Variants in NIPSNAP2 observed in about 807,000 individuals in gnomAD.
NIPSNAP2 encodes the protein nipsnap homolog 2.
Under a neutral mutation model 48.4 loss-of-function variants are expected in NIPSNAP2, and 42 were observed. That is an observed-to-expected ratio of 0.87 (90% CI 0.68 to 1.12). NIPSNAP2 has a LOEUF of 1.12. Among genes scored for constraint, NIPSNAP2 ranks in the 50% most tolerant of loss-of-function variants. NIPSNAP2 has a pLI of 0.00. For missense variants in NIPSNAP2, 314 were observed against 347.3 expected (o/e 0.90, Z 0.76); for synonymous variants, 158 against 126.6 (o/e 1.25, Z -1.67).
In NIPSNAP2 at chr7:55,999,716, G is replaced by A. The variant is rs1787640732; in HGVS notation, c.*644G>A. 6.6e-6 allele frequency: 1 copy of A among 152,266 alleles called. No homozygotes were observed. Among genetic ancestry groups the A allele is most frequent in the Non-Finnish European group, 1.5e-5 (1 of 68,024 alleles). The allele number at this position is 152,266 out of a possible 1,614,324, so 9.4% of individuals were successfully genotyped here. A position where few individuals can be genotyped will look rare whatever the true frequency, so the allele number is the denominator to read the frequency against. On this transcript the variant is annotated 3_prime_UTR_variant, in exon 10 of 10. Coordinates refer to ENST00000322090, the MANE Select transcript of NIPSNAP2 (RefSeq NM_001483.3). Reference sequence around the variant, plus strand: ...TTTCAATGTGAGACACAAAAACAATGGCTTGAAACTTGTGTATCATATGTG... The same window carrying A: ...TTTCAATGTGAGACACAAAAACAATAGCTTGAAACTTGTGTATCATATGTG...
At position 55,978,100 on chromosome 7, in the gene NIPSNAP2, G is replaced by A. The variant is rs373043237; in HGVS notation, c.93-26G>A. On this transcript the variant is annotated intron_variant, in intron 1 of 9. Coordinates refer to ENST00000322090, the MANE Select transcript of NIPSNAP2 (RefSeq NM_001483.3). ...TGGATATATGAAAACAGTATACTGCGTGACAACACCTTTGTTATTCCATAG... is the reference window on the plus strand; with the variant it reads ...TGGATATATGAAAACAGTATACTGCATGACAACACCTTTGTTATTCCATAG... The A allele has an allele frequency of 9.7e-5, 157 of 1,613,342 alleles. No individual in the cohort carries two copies. In the African/African-American group the frequency reaches 1.7e-3, roughly 17 times the overall value.
At chr7:55,993,293 T>TAA (rs56857177) in intron 7 of NIPSNAP2, among the ~76,000 whole-genome samples, 22 of 137,108 alleles carry the variant, frequency 1.6e-4, no homozygotes, top group African/African-American at 5.4e-4. Flanking sequence ...AGACTCCGTC[T>TAA]AAAAAAAAAA....
rs527482703 is a variant in NIPSNAP2 at position 55,981,542 on chromosome 7, G to T, written c.348G>T (p.Thr116=). The change falls in exon 4 of 10, where the codon ACG becomes ACT. Residue 116 remains threonine, a synonymous_variant. Transcript: ENST00000322090. ...YPCTLVGTWN[T]WYGEQDQAVH... ...GTACTTTGGTGGGGACTTGGAACAC[G>T]TGGTATGGCGAGCAGGACCAAGCTG... The T allele has an allele frequency of 1.7e-5, 28 of 1,613,726 alleles. 1 individual carries two copies. In the South Asian group the frequency reaches 3.1e-4, roughly 18 times the overall value.
At chr7:55,994,746 T>C in intron 7 of NIPSNAP2, 148 bp from the exon 8 acceptor site, 2 of 677,608 alleles carry the variant, frequency 3.0e-6, no homozygotes, top group Non-Finnish European at 5.3e-6. Flanking sequence ...TAACTTTTGA[T>C]TTGCCTTAGA....
chr7:55,995,340 A>G (rs1258660328), intron 8 of NIPSNAP2, among the ~76,000 whole-genome samples: 1 of 152,116 alleles, frequency 6.6e-6, no homozygotes, highest in Non-Finnish European at 1.5e-5. Context: ...GCAGGCCTGC[A>G]TTTTACCCAG....
At position 55,990,473 on chromosome 7, in the gene NIPSNAP2, C is replaced by T. The variant is rs532566452; in HGVS notation, c.618-4421C>T. ...GCCTCGATCTCCTGACCTCATGATC[C>T]GCCTGCCTCGGCCTCCCGAAGTGCT... On this transcript the variant is annotated intron_variant, in intron 7 of 9. Transcript: ENST00000322090. 5.3e-5 allele frequency among the ~76,000 whole-genome samples: 8 copies of T among 152,224 alleles called. No individual in the cohort carries two copies. In the South Asian group the frequency reaches 1.2e-3, roughly 24 times the overall value.
chr7:55,973,062 C>T (rs1016075712), intron 1 of NIPSNAP2, among the ~76,000 whole-genome samples: 3 of 151,844 alleles, frequency 2.0e-5, no homozygotes, highest in Admixed American at 6.6e-5. Context: ...GCCAAGATCA[C>T]GCCACTGCAC....
Position 55,994,895 on chromosome 7 carries a change from G to T in NIPSNAP2, c.619G>T (p.Ala207Ser). 1 of 1,613,864 alleles carries T rather than the reference G, an allele frequency of 6.2e-7. No individual in the cohort carries two copies. Among genetic ancestry groups the T allele is most frequent in the Non-Finnish European group, 8.5e-7 (1 of 1,179,742 alleles). ...ACAAACATCATCTCATTCTTACAGG[G>T]CTCGTGCAATCCGCTTCAGACAGGA... is the stretch of plus-strand genomic sequence containing the variant. Reference protein sequence around the residue: ...GTMIEWGNYWARAIRFRQDGN... With the variant: ...GTMIEWGNYWSRAIRFRQDGN... The change falls in exon 8 of 10, where the codon GCT becomes TCT. Residue 207 changes from alanine to serine, a missense_variant and splice_region_variant. Ala to Ser is a moderately conservative substitution (Grantham distance 99). Coordinates refer to ENST00000322090, the MANE Select transcript of NIPSNAP2 (RefSeq NM_001483.3).
chr7:55,990,511 A>G (rs1302589214), intron 7 of NIPSNAP2, among the ~76,000 whole-genome samples: 2 of 152,074 alleles, frequency 1.3e-5, no homozygotes, highest in Non-Finnish European at 2.9e-5. Flanking sequence ...GATTACAGGC[A>G]TGAGCCACCG....
In NIPSNAP2 at chr7:55,964,679, T is replaced by G. The variant is rs891308885; in HGVS notation, c.70T>G (p.Cys24Gly). The G allele has an allele frequency of 7.4e-5, 83 of 1,121,336 alleles. No individual in the cohort carries two copies. Among genetic ancestry groups the G allele is most frequent in the Non-Finnish European group, 8.6e-5 (79 of 917,448 alleles). 69.5% of individuals were successfully genotyped at this position (1,121,336 alleles called of 1,614,324 possible). A position where few individuals can be genotyped will look rare whatever the true frequency, so the allele number is the denominator to read the frequency against. ...AGGLLQRAAP[C>G]SLLPRLRTWT... is the part of the protein sequence containing the mutation. ...CGGCCTCCTGCAGCGGGCGGCCCCC[T>G]GCAGCCTCCTGCCCAGGCTCCGGTG... Residue 24 changes from cysteine (C) to glycine (G), a missense_variant, in exon 1 of 10, where the codon TGC becomes GGC. Physicochemically the swap from Cys to Gly is radical, Grantham distance 159. Coordinates refer to ENST00000322090, the MANE Select transcript of NIPSNAP2 (RefSeq NM_001483.3).
intron 1 of NIPSNAP2, 117 bp from the exon 2 acceptor site, chr7:55,978,009 T>C: frequency 8.6e-7 from 1 of 1,167,558 alleles, no homozygotes; most frequent in Non-Finnish European, 1.2e-6. Context: ...GCAGGCATTC[T>C]TTGGTAGCCC....
chr7:55,964,792 C>A, intron 1 of NIPSNAP2, 91 bp downstream of exon 1: 1 of 605,510 alleles, frequency 1.7e-6, no homozygotes, highest in Non-Finnish European at 2.2e-6. Flanking sequence ...TCCGCCCCGG[C>A]CCTGTCCCCA....
chr7:55,978,629 T>TC, intron 3 of NIPSNAP2: 2 of 498,986 alleles, frequency 4.0e-6, no homozygotes, highest in Non-Finnish European at 7.1e-6. Context: ...GTTACCAGAC[T>TC]CTTGTGTTTG....
At chr7:55,977,846 G>C (rs1200851640) in intron 1 of NIPSNAP2, among the ~76,000 whole-genome samples, 1 of 151,922 alleles carries the variant, frequency 6.6e-6, no homozygotes, top group African/African-American at 2.4e-5. Flanking sequence ...TCTACTCTAG[G>C]TATCCATGTA....
Position 55,964,645 on chromosome 7 carries a change from C to A in NIPSNAP2, c.36C>A (p.Ala12=). ...GAGTGCTGCGCGCCCGCGGAGCGGC[C>A]TGGGCCGGCGGCCTCCTGCAGCGGG... ...AARVLRARGA[A]WAGGLLQRAA... is the part of the protein sequence containing the mutation. Residue 12 remains alanine (A), a synonymous_variant, in exon 1 of 10, where the codon GCC becomes GCA. Transcript: ENST00000322090. The A allele has an allele frequency of 7.3e-6, 8 of 1,089,932 alleles. No individual in the cohort carries two copies. Among genetic ancestry groups the A allele is most frequent in the Non-Finnish European group, 8.9e-6 (8 of 898,242 alleles). 67.5% of individuals were successfully genotyped at this position (1,089,932 alleles called of 1,614,324 possible).
At chr7:55,976,261 A>G (rs1787106305) in intron 1 of NIPSNAP2, among the ~76,000 whole-genome samples, 1 of 152,236 alleles carries the variant, frequency 6.6e-6, no homozygotes, top group Non-Finnish European at 1.5e-5. Context: ...ATCAGTGCAC[A>G]TAAATCTACC....
intron 1 of NIPSNAP2, among the ~76,000 whole-genome samples, chr7:55,977,389 TA>T (rs200976761): frequency 1.3e-5 from 2 of 151,844 alleles, no homozygotes; most frequent in Non-Finnish European, 2.9e-5. Flanking sequence ...AGACTCCATC[TA>T]AAAAAAAATT....
intron 7 of NIPSNAP2, among the ~76,000 whole-genome samples, chr7:55,993,731 CTG>C (rs750021480): frequency 6.6e-6 from 1 of 151,982 alleles, no homozygotes; most frequent in Non-Finnish European, 1.5e-5. Context: ...CAGAGGAAGA[CTG>C]TTTCAAAAAA....
chr7:55,984,174 G>A (rs1317216343), intron 6 of NIPSNAP2, among the ~76,000 whole-genome samples: 1 of 152,128 alleles, frequency 6.6e-6, no homozygotes, highest in African/African-American at 2.4e-5. Context: ...TTAAAGGAGA[G>A]CAGCTAATAA....
Sources: gnomAD v4.1 joint callset for allele counts (sites outside exome capture counted in the v4.1 genomes callset) on GRCh38, gnomAD v4.1.1 for gene constraint, MANE v1.5 for transcripts, NCBI Gene and HGNC (gene_info 2026-07-23, HGNC 2026-07-21) for gene names.